TEX2: variants seen among roughly 807,000 people sequenced by gnomAD.
TEX2 encodes testis-expressed protein 2.
A neutral mutation model predicts 106.9 loss-of-function variants in TEX2; 53 were observed. That is an observed-to-expected ratio of 0.50 (90% CI 0.40 to 0.62). TEX2 has a LOEUF of 0.62. Among genes scored for constraint, TEX2 ranks in the 20% least tolerant of loss-of-function variants. The pLI is 0.00. For synonymous variants in TEX2, 523 were observed against 534.8 expected, an observed-to-expected ratio of 0.98 and a Z score of 0.30; for missense variants, 1,207 against 1,379.0, an observed-to-expected ratio of 0.88 and a Z score of 1.98.
At chr17:64,176,224 GCCCACAGA>G (rs2031610839) in intron 6 of TEX2, among the ~76,000 whole-genome samples, 1 of 152,160 alleles carries the variant, frequency 6.6e-6, no homozygotes, top group African/African-American at 2.4e-5. Context: ...AGGGACACTG[GCCCACAGA>G]CAGCAGCCAG....
At chr17:64,218,146 T>C (rs1285853636) in intron 1 of TEX2, among the ~76,000 whole-genome samples, 5 of 152,036 alleles carry the variant, frequency 3.3e-5, no homozygotes, top group African/African-American at 7.2e-5. Context: ...CTAGGGAGGC[T>C]GAGGCACAAG....
chr17:64,214,193 C>T lies in TEX2; in HGVS notation c.25G>A (p.Ala9Thr). The change falls in exon 2 of 12, where the codon GCC (alanine) becomes ACC (threonine). Residue 9 changes from alanine (A) to threonine (T), a missense_variant. By Grantham distance (58) the Ala-to-Thr change is moderately conservative. This residue lies in a region of TEX2 where 1,067 missense variants were observed against 1,193.6 expected (regional missense o/e 0.89). Coordinates refer to ENST00000584379, the MANE Select transcript of TEX2 (RefSeq NM_001288732.2). MTSLYGRH[A>T]EKTTDMPKPS... ...TTTGGCATGTCAGTGGTTTTCTCGG[C>T]ATGGCGACCATACAGACTTGTCATT... 3 of 1,613,902 alleles carry T rather than the reference C, an allele frequency of 1.9e-6. No homozygotes were observed. The highest frequency in any genetic ancestry group is 2.5e-6 in the Non-Finnish European group (3 of 1,179,778).
At chr17:64,196,050 A>G (rs539362174) in intron 2 of TEX2, among the ~76,000 whole-genome samples, 1 of 152,204 alleles carries the variant, frequency 6.6e-6, no homozygotes, top group East Asian at 1.9e-4. Context: ...GGGAGTTGGG[A>G]CTGTCATTCT....
chr17:64,258,995 T>C (rs2034239861), intron 1 of TEX2, among the ~76,000 whole-genome samples: 1 of 152,094 alleles, frequency 6.6e-6, no homozygotes, highest in Non-Finnish European at 1.5e-5. Context: ...TGACCTCAGG[T>C]GATCCGCCTC....
At chr17:64,224,328 A>C (rs2033445751) in intron 1 of TEX2, among the ~76,000 whole-genome samples, 1 of 152,216 alleles carries the variant, frequency 6.6e-6, no homozygotes, top group Admixed American at 6.5e-5. Context: ...GAATCTGGTC[A>C]AAACCAACCA....
chr17:64,197,417 A>C (rs1211423880), intron 2 of TEX2, among the ~76,000 whole-genome samples: 1 of 152,152 alleles, frequency 6.6e-6, no homozygotes, highest in Non-Finnish European at 1.5e-5. Flanking sequence ...TGTTGTTTAC[A>C]ATATTTCCCT....
At chr17:64,183,961 C>CTGGGTGGGTGTGAAGTGACA (rs1426580551) in intron 5 of TEX2, among the ~76,000 whole-genome samples, 5 of 152,114 alleles carry the variant, frequency 3.3e-5, no homozygotes, top group Non-Finnish European at 7.4e-5. Flanking sequence ...TTGTGGCCAT[C>CTGGGTGGGTGTGAAGTGACA]TGGGTGGGTG....
At chr17:64,182,285 G>A (rs963603064) in intron 5 of TEX2, among the ~76,000 whole-genome samples, 3 of 152,074 alleles carry the variant, frequency 2.0e-5, no homozygotes, top group Non-Finnish European at 4.4e-5. Context: ...GTCAAAATCC[G>A]AGAGACAGGG....
intron 10 of TEX2, among the ~76,000 whole-genome samples, chr17:64,152,556 C>G (rs1468672927): frequency 2.6e-5 from 4 of 152,180 alleles, no homozygotes; most frequent in African/African-American, 7.2e-5. Flanking sequence ...CAACAGGATG[C>G]TATGAGGACT....
intron 1 of TEX2, among the ~76,000 whole-genome samples, chr17:64,214,705 T>C (rs1433608241): frequency 1.3e-5 from 2 of 152,232 alleles, no homozygotes; most frequent in African/African-American, 4.8e-5. Context: ...GGAGGGGTAT[T>C]GCGTTCACTG....
intron 1 of TEX2, among the ~76,000 whole-genome samples, chr17:64,248,526 G>A (rs1435384975): frequency 1.3e-5 from 2 of 152,140 alleles, no homozygotes; most frequent in Non-Finnish European, 2.9e-5. Context: ...AGGGATCACT[G>A]GATAACCAGT....
chr17:64,253,384 C>T (rs554759009), intron 1 of TEX2, among the ~76,000 whole-genome samples: 63 of 149,264 alleles, frequency 4.2e-4, no homozygotes, highest in African/African-American at 1.5e-3. Flanking sequence ...AGGCTGGTGT[C>T]GAACTCCTGG....
At position 64,148,780 on chromosome 17, in the gene TEX2, A is replaced by G; in HGVS notation, c.*189T>C. The G allele has an allele frequency of 1.5e-6, 1 of 649,414 alleles. No individual in the cohort carries two copies. Among genetic ancestry groups the G allele is most frequent in the South Asian group, 2.2e-5 (1 of 44,966 alleles). 40.2% of individuals were successfully genotyped at this position (649,414 alleles called of 1,614,324 possible). A position where few individuals can be genotyped will look rare whatever the true frequency, so the allele number is the denominator to read the frequency against. On this transcript the variant is annotated 3_prime_UTR_variant, in exon 12 of 12. Coordinates refer to ENST00000584379, the MANE Select transcript of TEX2 (RefSeq NM_001288732.2). ...ATCAAAGCTTTGCAGCAGGCAATCC[A>G]GACAGTTGTCACTAGATGCAGGGAA... is the stretch of plus-strand genomic sequence containing the variant.
At position 64,205,194 on chromosome 17, in the gene TEX2, G is replaced by A. The variant is rs1391402795; in HGVS notation, c.1644+7380C>T. ...TAGCCGTGCATGGTGATGCGCACAT[G>A]TAATCCCAGCAACTCTGGAGGCTGA... On this transcript the variant is annotated intron_variant, in intron 2 of 11. Coordinates refer to ENST00000584379, the MANE Select transcript of TEX2 (RefSeq NM_001288732.2). The surrounding 1 kb of genome is among the most constrained non-coding windows in gnomAD (Gnocchi z 4.0). Among the ~76,000 whole-genome samples, 8 of 152,170 alleles carry A rather than the reference G, an allele frequency of 5.3e-5. No homozygotes were observed. Among genetic ancestry groups the A allele is most frequent in the Non-Finnish European group, 1.5e-5 (1 of 68,042 alleles).
intron 1 of TEX2, among the ~76,000 whole-genome samples, chr17:64,228,248 T>A (rs1265515706): frequency 6.6e-6 from 1 of 152,166 alleles, no homozygotes; most frequent in African/African-American, 2.4e-5. Flanking sequence ...CCCTGCAAAA[T>A]CAGCTTCATG....
intron 5 of TEX2, among the ~76,000 whole-genome samples, chr17:64,181,482 A>T (rs77022565): frequency 2.7e-5 from 4 of 150,040 alleles, no homozygotes; most frequent in Non-Finnish European, 5.9e-5. Flanking sequence ...CAAAAAAAAA[A>T]AAAAAAAAAA....
rs1189815447 is a variant in TEX2, at chr17:64,195,228, A to C, written c.1645-133T>G. The C allele has an allele frequency of 1.2e-6, 1 of 804,258 alleles. No individual in the cohort carries two copies. The highest frequency in any genetic ancestry group is 1.7e-5 in the African/African-American group (1 of 58,192). 49.8% of individuals were successfully genotyped at this position (804,258 alleles called of 1,614,324 possible). A position where few individuals can be genotyped will look rare whatever the true frequency, so the allele number is the denominator to read the frequency against. ...CGACACAGATATCAGCTCACCAATG[A>C]CTACAGGTTGCAAAGAGAAGTGCTT... is the stretch of plus-strand genomic sequence containing the variant. On this transcript the variant is annotated intron_variant, in intron 2 of 11. Transcript: ENST00000584379. The surrounding 1 kb of genome is among the most constrained non-coding windows in gnomAD (Gnocchi z 4.1).
In TEX2 at chr17:64,185,946, G is replaced by A. The variant is rs1016869609; in HGVS notation, c.2424+2222C>T. ...TCAAAAAAAAAAGTCATCAGACTTA[G>A]AAGAGGGAAAAGAAATGTCTGGGTG... On this transcript the variant is annotated intron_variant, in intron 5 of 11. Coordinates refer to ENST00000584379, the MANE Select transcript of TEX2 (RefSeq NM_001288732.2). The surrounding 1 kb of genome is among the most constrained non-coding windows in gnomAD (Gnocchi z 4.0). Among the ~76,000 whole-genome samples, 2 of 152,092 alleles carry A rather than the reference G, an allele frequency of 1.3e-5. No individual in the cohort carries two copies. Among genetic ancestry groups the A allele is most frequent in the African/African-American group, 4.8e-5 (2 of 41,410 alleles).
At chr17:64,168,902 C>CTTTTTTTTTTTT (rs3070736) in intron 7 of TEX2, among the ~76,000 whole-genome samples, 1 of 106,940 alleles carries the variant, frequency 9.4e-6, no homozygotes, top group Non-Finnish European at 1.8e-5. Flanking sequence ...ATAGATGGTG[C>CTTTTTTTTTTTT]TTTTTTTTTT....
Sources: gnomAD v4.1 joint callset for allele counts (sites outside exome capture counted in the v4.1 genomes callset) on GRCh38, gnomAD v4.1.1 for gene constraint, gnomAD v4.1.1 regional missense constraint, Gnocchi (gnomAD v3.1) non-coding constraint, MANE v1.5 for transcripts, NCBI Gene and HGNC (gene_info 2026-07-23, HGNC 2026-07-21) for gene names.